Variants in FMN2 observed in about 807,000 individuals in gnomAD.
FMN2 encodes the protein formin-2.
FMN2 carries 51 observed loss-of-function variants against 142.3 expected under a neutral mutation model. That is an observed-to-expected ratio of 0.36 (90% CI 0.29 to 0.45). FMN2 has a LOEUF of 0.45. Among genes scored for constraint, FMN2 ranks in the 20% least tolerant of loss-of-function variants. The pLI is 1.00. For synonymous variants in FMN2, 882 were observed against 869.8 expected (o/e 1.01, Z -0.25); for missense variants, 1,936 against 2,122.8 (o/e 0.91, Z 1.73).
intron 6 of FMN2, among the ~76,000 whole-genome samples, chr1:240,215,401 T>C (rs1299486493): frequency 3.3e-5 from 5 of 152,178 alleles, no homozygotes; most frequent in African/African-American, 7.2e-5. Flanking sequence ...TACAGAGATA[T>C]AGCGGAATTC....
At position 240,463,910 on chromosome 1, in the gene FMN2, T is replaced by A. The variant is rs189716805; in HGVS notation, c.5061-8462T>A. On this transcript the variant is annotated intron_variant, in intron 16 of 17. Transcript: ENST00000319653. ...CCCAGCTACTCGGGAGGCTGAGGCA[T>A]GAGAATCATTTGAACCTACGAGGCA... Among the ~76,000 whole-genome samples the A allele has an allele frequency of 2.4e-4, 36 of 151,970 alleles. No homozygotes were observed. The East Asian group carries it at 7.0e-3, about 30-fold the overall frequency.
intron 2 of FMN2, among the ~76,000 whole-genome samples, chr1:240,160,365 C>A (rs2103291099): frequency 6.6e-6 from 1 of 151,356 alleles, no homozygotes; most frequent in South Asian, 2.1e-4. Context: ...ATTTGAAAAC[C>A]AAATGACATA....
At chr1:240,268,552 T>G (rs1668890122) in intron 7 of FMN2, among the ~76,000 whole-genome samples, 1 of 151,972 alleles carries the variant, frequency 6.6e-6, no homozygotes, top group African/African-American at 2.4e-5. Flanking sequence ...GTGAAGGTAG[T>G]GGGGGAAGAA....
chr1:240,310,341 G>A (rs796990427), intron 8 of FMN2, among the ~76,000 whole-genome samples: 26 of 152,262 alleles, frequency 1.7e-4, no homozygotes, highest in African/African-American at 6.3e-4. Context: ...GAAACAGATG[G>A]AAGTATTTGT....
intron 4 of FMN2, among the ~76,000 whole-genome samples, chr1:240,198,506 T>C (rs1666005843): frequency 6.6e-6 from 1 of 152,208 alleles, no homozygotes; most frequent in Non-Finnish European, 1.5e-5. Context: ...ATAATTTCCA[T>C]AATTCATCAT....
intron 2 of FMN2, among the ~76,000 whole-genome samples, chr1:240,136,888 T>C (rs976691406): frequency 5.3e-5 from 8 of 151,936 alleles, no homozygotes; most frequent in Admixed American, 3.3e-4. Context: ...CTGACCCACA[T>C]GGTGAAACCC....
intron 8 of FMN2, 50 bp from the exon 9 acceptor site, chr1:240,329,026 G>T (rs1180270196): frequency 1.4e-6 from 2 of 1,467,158 alleles, no homozygotes; most frequent in Middle Eastern, 1.7e-4. Context: ...ATTATCTAAG[G>T]GATTCAGTTG....
At chr1:240,370,047 TA>T (rs1672811460) in intron 14 of FMN2, among the ~76,000 whole-genome samples, 1 of 152,134 alleles carries the variant, frequency 6.6e-6, no homozygotes, top group Non-Finnish European at 1.5e-5. Context: ...TCTCTGTGGT[TA>T]TGTCGGACGA....
At chr1:240,281,511 A>C (rs559461261) in intron 7 of FMN2, among the ~76,000 whole-genome samples, 1 of 152,284 alleles carries the variant, frequency 6.6e-6, no homozygotes, top group East Asian at 1.9e-4. Flanking sequence ...GCTCAGAATT[A>C]GAATTCTGAA....
chr1:240,391,298 A>ATG (rs1215930898), intron 14 of FMN2, among the ~76,000 whole-genome samples: 3 of 152,216 alleles, frequency 2.0e-5, no homozygotes, highest in African/African-American at 7.2e-5. Flanking sequence ...TGCAGATACC[A>ATG]TGCAAACCTT....
At position 240,136,890 on chromosome 1, in the gene FMN2, G is replaced by A. The variant is rs753616159; in HGVS notation, c.1782+13545G>A. On this transcript the variant is annotated intron_variant, in intron 2 of 17. Coordinates refer to ENST00000319653, the MANE Select transcript of FMN2 (RefSeq NM_020066.5). ...GTTTGAGATCAGCCTGACCCACATG[G>A]TGAAACCCTGTCTCTACTACAAATA... 4.6e-4 allele frequency among the ~76,000 whole-genome samples: 70 copies of A among 151,940 alleles called. 1 individual carries two copies. Among genetic ancestry groups the A allele is most frequent in the Non-Finnish European group, 5.9e-4 (40 of 67,990 alleles).
At chr1:240,094,236 G>T (rs749778654) in intron 1 of FMN2, among the ~76,000 whole-genome samples, 1 of 152,208 alleles carries the variant, frequency 6.6e-6, no homozygotes, top group Non-Finnish European at 1.5e-5. Flanking sequence ...TGGTATGTAT[G>T]TGATATGTAG....
intron 13 of FMN2, among the ~76,000 whole-genome samples, chr1:240,355,458 C>T (rs1020524643): frequency 1.1e-4 from 16 of 152,152 alleles, no homozygotes; most frequent in African/African-American, 2.4e-4. Flanking sequence ...TAACACTTCA[C>T]GTCTCTTCAC....
chr1:240,154,677 G>C (rs1288636520), intron 2 of FMN2: 1 of 152,168 alleles, frequency 6.6e-6, no homozygotes, highest in African/African-American at 2.4e-5. Flanking sequence ...GTAGTAGTGA[G>C]AAGAAGGAAA....
At chr1:240,444,299 A>C (rs1675731996) in intron 16 of FMN2, among the ~76,000 whole-genome samples, 1 of 152,186 alleles carries the variant, frequency 6.6e-6, no homozygotes, top group Non-Finnish European at 1.5e-5. Flanking sequence ...AGCAGGGACT[A>C]AGGAATTCTG....
chr1:240,254,469 G>C (rs942450006), intron 6 of FMN2, among the ~76,000 whole-genome samples: 1 of 152,086 alleles, frequency 6.6e-6, no homozygotes, highest in Non-Finnish European at 1.5e-5. Flanking sequence ...TTTTAACATG[G>C]TTAAATGGTC....
At chr1:240,220,504 C>T (rs1667061970) in intron 6 of FMN2, among the ~76,000 whole-genome samples, 1 of 152,040 alleles carries the variant, frequency 6.6e-6, no homozygotes, top group Admixed American at 6.6e-5. Flanking sequence ...TAAGGATCAC[C>T]ATCATCGATG....
chr1:240,133,844 C>T (rs1467950224), intron 2 of FMN2, among the ~76,000 whole-genome samples: 3 of 152,138 alleles, frequency 2.0e-5, no homozygotes, highest in Non-Finnish European at 2.9e-5. Context: ...CCCTGTAACA[C>T]CTGAATGCAA....
chr1:240,288,624 G>A (rs144120902), intron 7 of FMN2, among the ~76,000 whole-genome samples: 1 of 151,958 alleles, frequency 6.6e-6, no homozygotes, highest in Non-Finnish European at 1.5e-5. Flanking sequence ...TTATATGTGG[G>A]CTACACTCAC....
Sources: allele counts gnomAD v4.1 joint callset (sites outside exome capture counted in the v4.1 genomes callset), GRCh38; gene constraint gnomAD v4.1.1; transcripts MANE v1.5; gene names NCBI Gene and HGNC (gene_info 2026-07-23, HGNC 2026-07-21).